Variants in MAP3K5 observed in about 807,000 individuals in gnomAD.
The protein encoded by MAP3K5 is mitogen-activated protein kinase kinase kinase 5.
MAP3K5 carries 56 observed loss-of-function variants against 158.7 expected under a neutral mutation model. The ratio of observed to expected loss-of-function variants is 0.35; its 90% confidence interval spans 0.28 to 0.44. The LOEUF is 0.44. Ranked by LOEUF, MAP3K5 falls within the 20% of genes least tolerant of loss-of-function variation. The probability of loss-of-function intolerance (pLI) is 1.00; values close to 1 mark genes in which losing one functional copy is unlikely to be tolerated. For missense variants in MAP3K5, 1,294 were observed against 1,674.8 expected, an observed-to-expected ratio of 0.77 and a Z score of 3.97; for synonymous variants, 579 against 601.7, an observed-to-expected ratio of 0.96 and a Z score of 0.55.
At chr6:136,601,188 C>CA (rs1775859215) in intron 20 of MAP3K5, 146 bp from the exon 21 acceptor site, 2 of 651,846 alleles carry the variant, frequency 3.1e-6, no homozygotes, top group Admixed American at 6.0e-5. Flanking sequence ...ATATAAACAT[C>CA]AAAAAACGCC....
At chr6:136,722,543 C>A (rs1209346283) in intron 1 of MAP3K5, among the ~76,000 whole-genome samples, 9 of 151,936 alleles carry the variant, frequency 5.9e-5, no homozygotes, top group Non-Finnish European at 1.2e-4. Context: ...AATAAATGCA[C>A]ATTAAACCAA....
chr6:136,643,325 T>C (rs1489498782), intron 11 of MAP3K5, among the ~76,000 whole-genome samples: 1 of 152,182 alleles, frequency 6.6e-6, no homozygotes, highest in African/African-American at 2.4e-5. Context: ...TTTAAAAATA[T>C]GTCAACAGTA....
intron 28 of MAP3K5, 46 bp from the exon 29 acceptor site, chr6:136,558,922 T>C: frequency 1.1e-6 from 1 of 943,338 alleles, no homozygotes; most frequent in East Asian, 2.4e-5. Flanking sequence ...TATATAACTT[T>C]AATAAAGCAC....
intron 11 of MAP3K5, among the ~76,000 whole-genome samples, chr6:136,643,064 T>C (rs959678427): frequency 6.6e-6 from 1 of 151,982 alleles, no homozygotes; most frequent in Non-Finnish European, 1.5e-5. Context: ...CAAGAATGTA[T>C]GTGAACACAC....
At chr6:136,762,231 A>G (rs1783791581) in intron 1 of MAP3K5, among the ~76,000 whole-genome samples, 1 of 152,202 alleles carries the variant, frequency 6.6e-6, no homozygotes, top group Non-Finnish European at 1.5e-5. Flanking sequence ...AGAAGAGAAG[A>G]GAAGAGACAG....
At position 136,602,081 on chromosome 6, in the gene MAP3K5, T is replaced by C. The variant is rs192599033; in HGVS notation, c.2680-102A>G. On this transcript the variant is annotated intron_variant, in intron 19 of 29. Transcript: ENST00000359015. ...TGACCCCCCAATGCAACAAGATCCC[T>C]TATCATACAACACAAACTTATGGCT... 1.9e-4 allele frequency: 158 copies of C among 849,864 alleles called. No individual in the cohort carries two copies. In the African/African-American group the frequency reaches 2.5e-3, roughly 13 times the overall value. The allele number at this position is 849,864 out of a possible 1,614,324, so 52.6% of individuals were successfully genotyped here. A position where few individuals can be genotyped will look rare whatever the true frequency, so the allele number is the denominator to read the frequency against.
rs370545755 is a variant in MAP3K5, at chr6:136,632,079, T to C, written c.2016+5246A>G. On this transcript the variant is annotated intron_variant, in intron 14 of 29. Coordinates refer to ENST00000359015, the MANE Select transcript of MAP3K5 (RefSeq NM_005923.4). ...AGAAAAGTTTGTGAGGTTGGGCGTC[T>C]GCATGTCAAGCCCAGAGGCCGGAGA... Among the ~76,000 whole-genome samples the C allele has an allele frequency of 3.0e-4, 45 of 152,230 alleles. No individual in the cohort carries two copies. In the South Asian group the frequency reaches 8.7e-3, roughly 29 times the overall value.
rs528050093 is a variant in MAP3K5 at position 136,679,303 on chromosome 6, T to C, written c.1254-9908A>G. ...GAAATATTCTTGGACTGATCATTTC[T>C]AGCTGGAATATGTACTTTCCAACAA... On this transcript the variant is annotated intron_variant, in intron 7 of 29. Transcript: ENST00000359015. Among the ~76,000 whole-genome samples, 268 of 152,356 alleles carry C rather than the reference T, an allele frequency of 1.8e-3. 1 individual carries two copies. The highest frequency in any genetic ancestry group is 5.7e-3 in the African/African-American group (235 of 41,584).
At chr6:136,606,792 C>T (rs1752485300) in intron 18 of MAP3K5, among the ~76,000 whole-genome samples, 1 of 152,208 alleles carries the variant, frequency 6.6e-6, no homozygotes, top group South Asian at 2.1e-4. Context: ...ACAGATGACA[C>T]CTTTTAGGAA....
chr6:136,736,171 A>G (rs1782452392), intron 1 of MAP3K5, among the ~76,000 whole-genome samples: 1 of 152,112 alleles, frequency 6.6e-6, no homozygotes, highest in Non-Finnish European at 1.5e-5. Context: ...ATCCAGTTGG[A>G]TCTAAGAAGT....
At chr6:136,724,690 G>A (rs1197839352) in intron 1 of MAP3K5, among the ~76,000 whole-genome samples, 1 of 152,184 alleles carries the variant, frequency 6.6e-6, no homozygotes, top group Non-Finnish European at 1.5e-5. Context: ...CAGTAATACA[G>A]TATGGTAACT....
At chr6:136,641,841 A>C (rs1327997330) in intron 12 of MAP3K5, among the ~76,000 whole-genome samples, 1 of 151,496 alleles carries the variant, frequency 6.6e-6, no homozygotes, top group Non-Finnish European at 1.5e-5. Flanking sequence ...TACAAAAATT[A>C]GCTGGGCATG....
chr6:136,725,899 A>G (rs945746488), intron 1 of MAP3K5, among the ~76,000 whole-genome samples: 6 of 152,178 alleles, frequency 3.9e-5, no homozygotes, highest in Non-Finnish European at 5.9e-5. Context: ...CAAGATTCAT[A>G]TTTGCTGTAA....
intron 1 of MAP3K5, among the ~76,000 whole-genome samples, chr6:136,782,770 C>T (rs977650111): frequency 7.2e-5 from 11 of 152,178 alleles, no homozygotes; most frequent in Admixed American, 6.5e-5. Context: ...CCTGTCTCCC[C>T]TAAGAAAATT....
intron 18 of MAP3K5, among the ~76,000 whole-genome samples, chr6:136,606,337 T>C (rs953204400): frequency 9.9e-5 from 15 of 151,876 alleles, no homozygotes; most frequent in Admixed American, 4.6e-4. Flanking sequence ...GGCAACAGAG[T>C]GAGACTCTGT....
At chr6:136,712,915 G>A (rs903620405) in intron 2 of MAP3K5, among the ~76,000 whole-genome samples, 1 of 152,156 alleles carries the variant, frequency 6.6e-6, no homozygotes, top group Non-Finnish European at 1.5e-5. Context: ...CCATGATTGT[G>A]AGGCCTCCCC....
At chr6:136,762,392 C>G (rs555435024) in intron 1 of MAP3K5, among the ~76,000 whole-genome samples, 5 of 152,280 alleles carry the variant, frequency 3.3e-5, no homozygotes, top group Non-Finnish European at 7.4e-5. Flanking sequence ...ATAGGATACA[C>G]AGCCAAGAGC....
intron 1 of MAP3K5, among the ~76,000 whole-genome samples, chr6:136,736,290 T>A (rs193231033): frequency 9.1e-4 from 139 of 152,350 alleles, no homozygotes; most frequent in Admixed American, 1.6e-3. Context: ...CCATACCCTT[T>A]CTTTCTACTC....
At chr6:136,691,363 C>A (rs1780379576) in intron 7 of MAP3K5, among the ~76,000 whole-genome samples, 1 of 152,190 alleles carries the variant, frequency 6.6e-6, no homozygotes, top group East Asian at 1.9e-4. Flanking sequence ...GTAATCCCAG[C>A]ACTTCAGGAG....
Sources: allele counts gnomAD v4.1 joint callset (sites outside exome capture counted in the v4.1 genomes callset), GRCh38; gene constraint gnomAD v4.1.1; transcripts MANE v1.5; gene names NCBI Gene and HGNC (gene_info 2026-07-23, HGNC 2026-07-21).